PDZD2: variants seen among roughly 807,000 people sequenced by gnomAD.
PDZD2 encodes the protein PDZ domain-containing protein 2.
A neutral mutation model predicts 220.7 loss-of-function variants in PDZD2; 90 were observed. That is an observed-to-expected ratio of 0.41 (90% CI 0.34 to 0.49). PDZD2 has a LOEUF of 0.49. Ranked by LOEUF, PDZD2 falls within the 20% of genes least tolerant of loss-of-function variation. The pLI is 0.28. For missense variants in PDZD2, 3,174 were observed against 3,608.5 expected (o/e 0.88, Z 3.08); for synonymous variants, 1,375 against 1,450.5 (o/e 0.95, Z 1.18).
At chr5:32,059,485 C>T in intron 13 of PDZD2, 129 bp downstream of exon 13, 1 of 475,656 alleles carries the variant, frequency 2.1e-6, no homozygotes, top group Non-Finnish European at 3.8e-6. Context: ...AGAACGTAGC[C>T]AAGACTACAA....
intron 2 of PDZD2, among the ~76,000 whole-genome samples, chr5:31,826,394 C>G (rs1168836369): frequency 1.3e-5 from 2 of 152,080 alleles, no homozygotes; most frequent in African/African-American, 2.4e-5. Context: ...TATTTGAGGC[C>G]AGCCACGGTG....
Position 32,012,116 on chromosome 5 carries a change from C to A in PDZD2, c.1407+1634C>A, listed in dbSNP as rs2112090326. 2.0e-5 allele frequency among the ~76,000 whole-genome samples: 3 copies of A among 152,280 alleles called. No homozygotes were observed. In the Middle Eastern group the frequency reaches 0.01, roughly 518 times the overall value. On this transcript the variant is annotated intron_variant, in intron 6 of 24. Coordinates refer to ENST00000438447, the MANE Select transcript of PDZD2 (RefSeq NM_178140.4). The stretch of plus-strand genomic sequence containing the variant: ...CTGTATATCCTTCACTAGCAACTCT[C>A]CAGCCCAGGGGGTTCCTCATTGCTC...
chr5:31,676,048 G>A (rs980488264), intron 1 of PDZD2, among the ~76,000 whole-genome samples: 5 of 152,060 alleles, frequency 3.3e-5, no homozygotes, highest in African/African-American at 7.3e-5. Context: ...TTAGTTGAGC[G>A]CTCTATGTGT....
At chr5:31,648,780 C>G (rs1745229540) in intron 1 of PDZD2, among the ~76,000 whole-genome samples, 1 of 152,088 alleles carries the variant, frequency 6.6e-6, no homozygotes, top group African/African-American at 2.4e-5. Context: ...AGCCTCCACT[C>G]TCATCAACAT....
chr5:32,110,869 C>T lies in PDZD2; in HGVS notation c.*2734C>T, dbSNP rs1745327143. On this transcript the variant is annotated 3_prime_UTR_variant, in exon 25 of 25. Transcript: ENST00000438447. ...GTTGTCACCAAGTTATATAAATCCACATCTCTGTAAACAACCTTTTTTAAG... is the reference window on the plus strand; with the variant it reads ...GTTGTCACCAAGTTATATAAATCCATATCTCTGTAAACAACCTTTTTTAAG... 6.6e-6 allele frequency: 1 copy of T among 152,268 alleles called. No homozygotes were observed. Among genetic ancestry groups the T allele is most frequent in the Non-Finnish European group, 1.5e-5 (1 of 68,022 alleles). 9.4% of individuals were successfully genotyped at this position (152,268 alleles called of 1,614,324 possible).
Position 31,822,993 on chromosome 5 carries a change from G to A in PDZD2, c.476+23269G>A, listed in dbSNP as rs1159894682. On this transcript the variant is annotated intron_variant, in intron 2 of 24. Transcript: ENST00000438447. ...CCCGGGGCCTCTTTTTTTTCTTTCC[G>A]AGAAGACTGAGTTCTACGTTGATGT... 13 of 1,182,942 alleles carry A rather than the reference G, an allele frequency of 1.1e-5. 1 individual carries two copies. The highest frequency in any genetic ancestry group is 4.8e-5 in the South Asian group (4 of 83,594). The allele number at this position is 1,182,942 out of a possible 1,614,324, so 73.3% of individuals were successfully genotyped here. A position where few individuals can be genotyped will look rare whatever the true frequency, so the allele number is the denominator to read the frequency against.
intron 2 of PDZD2, chr5:31,822,637 A>G (rs1321531885): frequency 7.5e-7 from 1 of 1,326,284 alleles, no homozygotes; most frequent in East Asian, 2.7e-5. Context: ...CCTTGTTTTT[A>G]ACCTTGTGGC....
intron 1 of PDZD2, among the ~76,000 whole-genome samples, chr5:31,685,712 C>T (rs938538365): frequency 5.3e-5 from 8 of 151,958 alleles, no homozygotes; most frequent in Admixed American, 1.3e-4. Flanking sequence ...TTTGTAAAAA[C>T]GAGGTTTCAC....
chr5:31,990,988 G>C (rs759384135), intron 3 of PDZD2, among the ~76,000 whole-genome samples: 2 of 152,194 alleles, frequency 1.3e-5, no homozygotes, highest in South Asian at 2.1e-4. Context: ...GGGGCAGAAT[G>C]TTCCCAGGGA....
intron 24 of PDZD2, among the ~76,000 whole-genome samples, chr5:32,107,062 T>TAATC (rs1744836249): frequency 6.6e-6 from 1 of 152,242 alleles, no homozygotes; most frequent in Non-Finnish European, 1.5e-5. Context: ...TTTTGAGGTC[T>TAATC]AATCAAAATT....
chr5:32,088,982 T>A lies in PDZD2; in HGVS notation c.5534T>A (p.Val1845Asp). Residue 1845 changes from valine (V) to aspartate (D), a missense_variant, in exon 20 of 25, where the codon GTT (valine) becomes GAT (aspartate). Val to Asp is a radical substitution (Grantham distance 152). This residue lies in a region of PDZD2 where 1,861 missense variants were observed against 2,001.0 expected (regional missense o/e 0.93). Coordinates refer to ENST00000438447, the MANE Select transcript of PDZD2 (RefSeq NM_178140.4). This position sits in a 1 kb window ranked among gnomAD's most constrained non-coding sequence, Gnocchi z 4.6. ...GTGAGTTCAAGCCAAAAAAAGGGCG[T>A]TACTGTGCCTCATAGCCCTCCTCAG... ...QMVSSSQKKG[V>D]TVPHSPPQPK... The A allele has an allele frequency of 6.2e-7, 1 of 1,613,844 alleles. No homozygotes were observed. The highest frequency in any genetic ancestry group is 8.5e-7 in the Non-Finnish European group (1 of 1,179,968).
At chr5:32,106,662 T>G (rs558092722) in intron 24 of PDZD2, among the ~76,000 whole-genome samples, 12 of 152,352 alleles carry the variant, frequency 7.9e-5, no homozygotes, top group Admixed American at 2.6e-4. Flanking sequence ...GCCTGGAACC[T>G]CCCATGTCCT....
At position 32,074,161 on chromosome 5, in the gene PDZD2, G is replaced by C. The variant is rs894887013; in HGVS notation, c.3055G>C (p.Glu1019Gln). 6.8e-6 allele frequency: 11 copies of C among 1,614,156 alleles called. No homozygotes were observed. Among genetic ancestry groups the C allele is most frequent in the Non-Finnish European group, 9.3e-6 (11 of 1,180,018 alleles). Residue 1019 changes from glutamate to glutamine, a missense_variant, in exon 18 of 25, where the codon GAA becomes CAA. Physicochemically the swap from Glu to Gln is conservative, Grantham distance 29. Transcript: ENST00000438447. ...GGGCATGGACGTCCACAACCAAGAG[G>C]AACGACCCCGGAAAACACTGGTGAG... The part of the protein sequence containing the change: ...SKGMDVHNQE[E>Q]RPRKTLVSKA...
intron 1 of PDZD2, among the ~76,000 whole-genome samples, chr5:31,782,245 A>G (rs1753100970): frequency 6.6e-6 from 1 of 152,196 alleles, no homozygotes; most frequent in South Asian, 2.1e-4. Context: ...ACAATGAATA[A>G]TATTTTAGTA....
chr5:31,929,090 C>T (rs749441836), intron 2 of PDZD2, among the ~76,000 whole-genome samples: 75 of 152,222 alleles, frequency 4.9e-4, no homozygotes, highest in South Asian at 8.3e-4. Context: ...TTGGGAGCCT[C>T]GTAGAAGCTG....
At chr5:32,011,743 T>G (rs1424856352) in intron 6 of PDZD2, among the ~76,000 whole-genome samples, 1 of 152,104 alleles carries the variant, frequency 6.6e-6, no homozygotes, top group Admixed American at 6.6e-5. Flanking sequence ...AGATGAAAGA[T>G]GCATCTCATT....
intron 2 of PDZD2, among the ~76,000 whole-genome samples, chr5:31,964,392 C>T (rs977407526): frequency 2.0e-5 from 3 of 152,204 alleles, no homozygotes; most frequent in Admixed American, 1.3e-4. Context: ...GAGACCTGAA[C>T]AAAGGATAAT....
At chr5:31,737,898 G>A (rs541698639) in intron 1 of PDZD2, among the ~76,000 whole-genome samples, 8 of 152,258 alleles carry the variant, frequency 5.3e-5, no homozygotes, top group East Asian at 1.9e-4. Flanking sequence ...CATAAGAACC[G>A]TATGAAACAG....
At chr5:31,678,922 T>TA (rs1561379233) in intron 1 of PDZD2, among the ~76,000 whole-genome samples, 1 of 152,038 alleles carries the variant, frequency 6.6e-6, no homozygotes, top group Non-Finnish European at 1.5e-5. Context: ...TTCTTTTTTT[T>TA]CCCCCCTTTT....
Sources: allele counts gnomAD v4.1 joint callset (sites outside exome capture counted in the v4.1 genomes callset), GRCh38; gene constraint gnomAD v4.1.1; regional missense constraint gnomAD v4.1.1; non-coding constraint Gnocchi (gnomAD v3.1); transcripts MANE v1.5; gene names NCBI Gene and HGNC (gene_info 2026-07-23, HGNC 2026-07-21).